PTPN1: variants seen among roughly 807,000 people sequenced by gnomAD.
The protein encoded by PTPN1 is protein tyrosine phosphatase non-receptor type 1.
In PTPN1, 12 loss-of-function variants were observed where a neutral mutation model predicts 59.9. The ratio of observed to expected loss-of-function variants is 0.20; its 90% CI spans 0.13 to 0.32. PTPN1 has a LOEUF of 0.32. Ranked by LOEUF, PTPN1 falls within the 10% of genes least tolerant of loss-of-function variation. The pLI is 1.00. For synonymous variants in PTPN1, 178 were observed against 203.6 expected, an observed-to-expected ratio of 0.87 and a Z score of 1.07; for missense variants, 356 against 549.2, an observed-to-expected ratio of 0.65 and a Z score of 3.52.
intron 9 of PTPN1, among the ~76,000 whole-genome samples, 157 bp downstream of exon 9, chr20:50,581,617 CAA>C (rs1568799699): frequency 6.6e-6 from 1 of 152,210 alleles, no homozygotes; most frequent in African/African-American, 2.4e-5. Context: ...GAAGGGCTAA[CAA>C]GAGAATTAAG....
intron 1 of PTPN1, among the ~76,000 whole-genome samples, chr20:50,531,520 G>C (rs565565074): frequency 1.3e-5 from 2 of 152,246 alleles, no homozygotes; most frequent in Non-Finnish European, 1.5e-5. Context: ...GGGATTTCAG[G>C]CTCCCGCCAC....
intron 2 of PTPN1, chr20:50,563,138 A>G (rs2082760915): frequency 6.7e-6 from 1 of 149,944 alleles, no homozygotes; most frequent in African/African-American, 2.5e-5. Context: ...TATTCCAGGG[A>G]AACAATTCTC....
intron 4 of PTPN1, chr20:50,574,095 T>C (rs967513220): frequency 3.9e-5 from 6 of 155,150 alleles, no homozygotes; most frequent in Middle Eastern, 3.1e-3. Flanking sequence ...TATTTTTAAT[T>C]GCCTGTGAGT....
chr20:50,558,591 A>G (rs1163281647), intron 1 of PTPN1, among the ~76,000 whole-genome samples: 1 of 152,156 alleles, frequency 6.6e-6, no homozygotes, highest in Non-Finnish European at 1.5e-5. Context: ...TTCTCCATGT[A>G]TCTGGGTGGT....
intron 1 of PTPN1, among the ~76,000 whole-genome samples, chr20:50,537,204 T>A (rs1357980095): frequency 6.6e-6 from 1 of 152,100 alleles, no homozygotes; most frequent in East Asian, 1.9e-4. Flanking sequence ...GCACCTGTAA[T>A]CCCAGCTAGT....
intron 1 of PTPN1, among the ~76,000 whole-genome samples, chr20:50,539,036 T>TC (rs2082636726): frequency 6.8e-6 from 1 of 146,040 alleles, no homozygotes; most frequent in Non-Finnish European, 1.5e-5. Context: ...CTTTTTTTTT[T>TC]TTTTTTTTTT....
Position 50,517,291 on chromosome 20 carries a change from G to A in PTPN1, c.63+6701G>A, listed in dbSNP as rs550163291. On this transcript the variant is annotated intron_variant, in intron 1 of 9. Coordinates refer to ENST00000371621, the MANE Select transcript of PTPN1 (RefSeq NM_002827.4). Reference sequence around the variant, plus strand: ...TTTTTTTGAGATGGGGTCTTGCTGTGTCGTCCAGGCTGGAGTGCAGTGGCA... The same window carrying A: ...TTTTTTTGAGATGGGGTCTTGCTGTATCGTCCAGGCTGGAGTGCAGTGGCA... Among the ~76,000 whole-genome samples, 12 of 152,236 alleles carry A rather than the reference G, an allele frequency of 7.9e-5. No homozygotes were observed. In the East Asian group the frequency reaches 2.3e-3, roughly 29 times the overall value.
chr20:50,536,672 C>T (rs1215597909), intron 1 of PTPN1, among the ~76,000 whole-genome samples: 2 of 152,014 alleles, frequency 1.3e-5, no homozygotes, highest in Non-Finnish European at 2.9e-5. Context: ...ATACATAGGC[C>T]CTCCCCTTTG....
chr20:50,522,739 G>A (rs972393982), intron 1 of PTPN1, among the ~76,000 whole-genome samples: 1 of 152,014 alleles, frequency 6.6e-6, no homozygotes, highest in Admixed American at 6.6e-5. Context: ...TTCTCCAGAG[G>A]GAAAGGTATT....
intron 1 of PTPN1, among the ~76,000 whole-genome samples, chr20:50,543,929 T>C (rs1208334444): frequency 6.6e-6 from 1 of 151,902 alleles, no homozygotes; most frequent in East Asian, 1.9e-4. Context: ...CGCTACAACC[T>C]CCGCTTCCTG....
rs569206024 is a variant in PTPN1, at chr20:50,548,540, C to T, written c.64-12823C>T. Among the ~76,000 whole-genome samples, 9 of 152,098 alleles carry T rather than the reference C, an allele frequency of 5.9e-5. No homozygotes were observed. The South Asian group carries it at 1.9e-3, about 32-fold the overall frequency. The stretch of plus-strand genomic sequence containing the variant: ...ACTTGGACTCAAGCGACCTTCCCAC[C>T]TCAGCCTCCCAGGTAGCTAGGAATA... On this transcript the variant is annotated intron_variant, in intron 1 of 9. Coordinates refer to ENST00000371621, the MANE Select transcript of PTPN1 (RefSeq NM_002827.4).
At position 50,544,567 on chromosome 20, in the gene PTPN1, C is replaced by G. The variant is rs1374656966; in HGVS notation, c.64-16796C>G. Among the ~76,000 whole-genome samples the G allele has an allele frequency of 2.0e-5, 3 of 152,270 alleles. No homozygotes were observed. The East Asian group carries it at 5.8e-4, about 29-fold the overall frequency. ...CTTATATGAATGAGAAAAACACTAA[C>G]ATTCCAAAAGATTAGAAGGCAAAGG... On this transcript the variant is annotated intron_variant, in intron 1 of 9. Coordinates refer to ENST00000371621, the MANE Select transcript of PTPN1 (RefSeq NM_002827.4).
intron 1 of PTPN1, among the ~76,000 whole-genome samples, chr20:50,542,482 G>T (rs191444887): frequency 6.6e-6 from 1 of 152,192 alleles, no homozygotes; most frequent in Admixed American, 6.5e-5. Flanking sequence ...CCTAGGGAAA[G>T]CTTTGTTTTC....
chr20:50,574,726 G>A, intron 5 of PTPN1, 72 bp downstream of exon 5: 1 of 1,504,450 alleles, frequency 6.6e-7, no homozygotes, highest in Non-Finnish European at 9.0e-7. Flanking sequence ...TCCCTTGGGT[G>A]ATATTACCTA....
intron 5 of PTPN1, 91 bp from the exon 6 acceptor site, chr20:50,578,329 A>AC: frequency 1.8e-6 from 2 of 1,082,042 alleles, no homozygotes; most frequent in South Asian, 1.4e-5. Flanking sequence ...TTAGAGGTAG[A>AC]GAGTGGAAGG....
In PTPN1 at chr20:50,579,290, C is replaced by T. The variant is rs371865249; in HGVS notation, c.825C>T (p.Ile275=). Reference sequence around the variant, plus strand: ...TGCGCTTCTCCTACCTGGCTGTGATCGAAGGTGCCAAATTCATCATGGGGG... The same window carrying T: ...TGCGCTTCTCCTACCTGGCTGTGATTGAAGGTGCCAAATTCATCATGGGGG... ...DQLRFSYLAV[I]EGAKFIMGDS... Residue 275 remains isoleucine, a synonymous_variant, in exon 7 of 10, where the codon ATC becomes ATT. Transcript: ENST00000371621. 231 of 1,614,220 alleles carry T rather than the reference C, an allele frequency of 1.4e-4. No homozygotes were observed. Among genetic ancestry groups the T allele is most frequent in the Middle Eastern group, 3.3e-4 (2 of 6,062 alleles).
Position 50,582,623 on chromosome 20 carries a change from G to T in PTPN1, c.1285-69G>T, listed in dbSNP as rs532056113. Reference sequence around the variant, plus strand: ...GAAGTTGCCGGGGGGTGTGGCCGGGGTCATGCATGAGGCGACAGCTCTGCA... The same window carrying T: ...GAAGTTGCCGGGGGGTGTGGCCGGGTTCATGCATGAGGCGACAGCTCTGCA... On this transcript the variant is annotated intron_variant, in intron 9 of 9. Coordinates refer to ENST00000371621, the MANE Select transcript of PTPN1 (RefSeq NM_002827.4). This position sits in a 1 kb window ranked among gnomAD's most constrained non-coding sequence, Gnocchi z 4.2. 9.6e-6 allele frequency: 15 copies of T among 1,565,218 alleles called. No homozygotes were observed. The Admixed American group carries it at 2.3e-4, about 24-fold the overall frequency.
intron 1 of PTPN1, among the ~76,000 whole-genome samples, chr20:50,559,836 C>T (rs1482851777): frequency 6.8e-6 from 1 of 147,558 alleles, no homozygotes; most frequent in Non-Finnish European, 1.5e-5. Flanking sequence ...TCTTTCTATT[C>T]TCTGCAGTTT....
chr20:50,583,440 C>G lies in PTPN1; in HGVS notation c.*725C>G, dbSNP rs539733322. On this transcript the variant is annotated 3_prime_UTR_variant, in exon 10 of 10. Coordinates refer to ENST00000371621, the MANE Select transcript of PTPN1 (RefSeq NM_002827.4). ...GTGAGATTACTTTGTCCCGCTTATTCTCCTCCCTGTTATCTGCTAGATCTA... is the reference window on the plus strand; with the variant it reads ...GTGAGATTACTTTGTCCCGCTTATTGTCCTCCCTGTTATCTGCTAGATCTA... 1 of 152,242 alleles carries G rather than the reference C, an allele frequency of 6.6e-6. No homozygotes were observed. The highest frequency in any genetic ancestry group is 1.5e-5 in the Non-Finnish European group (1 of 68,062). 9.4% of individuals were successfully genotyped at this position (152,242 alleles called of 1,614,324 possible).
Sources: allele counts gnomAD v4.1 joint callset (sites outside exome capture counted in the v4.1 genomes callset), GRCh38; gene constraint gnomAD v4.1.1; non-coding constraint Gnocchi (gnomAD v3.1); transcripts MANE v1.5; gene names NCBI Gene and HGNC (gene_info 2026-07-23, HGNC 2026-07-21).